MED14: variants seen among roughly 807,000 people sequenced by gnomAD.
The protein encoded by MED14 is mediator complex subunit 14, also known as mediator of RNA polymerase II transcription subunit 14.
In MED14, 8 loss-of-function variants were observed where a neutral mutation model predicts 109.0. The observed-to-expected ratio is 0.07, with a 90% CI of 0.04 to 0.13. The LOEUF (loss-of-function observed/expected upper bound fraction) is 0.13, where lower values mean the gene tolerates loss of function less well. Among genes scored for constraint, MED14 ranks in the 10% least tolerant of loss-of-function variants. The pLI, the probability that MED14 is intolerant of heterozygous loss-of-function variation, is 1.00. For missense variants in MED14, 711 were observed against 1,142.4 expected (o/e 0.62, Z 5.44); for synonymous variants, 399 against 408.7 (o/e 0.98, Z 0.29).
chrX:40,667,294 T>C (rs1929531336), intron 23 of MED14, among the ~76,000 whole-genome samples: 1 of 111,689 alleles, frequency 9.0e-6, no homozygotes, highest in African/African-American at 3.3e-5. Flanking sequence ...CAAGATTGTG[T>C]AGTGAAGGAG....
rs1928809742 is a variant in MED14, at chrX:40,650,148, C to A, written c.*1658G>T. On this transcript the variant is annotated 3_prime_UTR_variant, in exon 31 of 31. Transcript: ENST00000324817. ...TTAGATTGCCAAACTGATGTGATTA[C>A]CACTGTAAGAACTAAAAACAGAAGG... 8 of 749,922 alleles carry A rather than the reference C, an allele frequency of 1.1e-5. No individual in the cohort carries two copies. Among genetic ancestry groups the A allele is most frequent in the Non-Finnish European group, 1.3e-5 (8 of 636,576 alleles). The allele number at this position is 749,922 out of a possible 1,213,427, so 61.8% of individuals were successfully genotyped here.
chrX:40,662,881 T>C (rs1929340286), intron 26 of MED14, 44 bp downstream of exon 26: 1 of 1,029,389 alleles, frequency 9.7e-7, no homozygotes, highest in Non-Finnish European at 1.3e-6. Flanking sequence ...TTTAGCATTT[T>C]ACCCTTAACA....
At chrX:40,697,310 G>A in intron 12 of MED14, 127 bp from the exon 13 acceptor site, 1 of 425,482 alleles carries the variant, frequency 2.4e-6, no homozygotes, top group Non-Finnish European at 4.0e-6. Flanking sequence ...ACTAATAAAA[G>A]GACACATGGC....
chrX:40,730,348 A>G (rs1211075323), intron 1 of MED14, among the ~76,000 whole-genome samples: 1 of 112,046 alleles, frequency 8.9e-6, no homozygotes, highest in Non-Finnish European at 1.9e-5. Context: ...GGAGAGATGA[A>G]GCAGAAATTA....
In MED14 at chrX:40,706,557, C is replaced by T. The variant is rs1602480565; in HGVS notation, c.1285+2791G>A. On this transcript the variant is annotated intron_variant, in intron 10 of 30. Transcript: ENST00000324817. ...CAAATTTCAGATGAGGAGAATGGCC[C>T]AAATAGTGTAAATGACTTGTTCAAG... 3.6e-5 allele frequency among the ~76,000 whole-genome samples: 4 copies of T among 111,313 alleles called. No homozygotes were observed. The Admixed American group carries it at 3.8e-4, about 11-fold the overall frequency.
intron 3 of MED14, among the ~76,000 whole-genome samples, chrX:40,716,716 G>A (rs1412629057): frequency 9.0e-6 from 1 of 111,626 alleles, no homozygotes; most frequent in African/African-American, 3.3e-5. Flanking sequence ...TGCACTCCCA[G>A]GTTTACTGCA....
Position 40,652,122 on chromosome X carries a change from G to T in MED14, c.4292-243C>A, listed in dbSNP as rs144294146. ...AAGTCCCAGTTAGGTTTGTATTTAG[G>T]AAGATATGTCTAGAGTTTCTGTTTA... is the stretch of plus-strand genomic sequence containing the variant. On this transcript the variant is annotated intron_variant, in intron 30 of 30. Transcript: ENST00000324817. Among the ~76,000 whole-genome samples, 834 of 112,286 alleles carry T rather than the reference G, an allele frequency of 7.4e-3. 6 individuals carry two copies. The highest frequency in any genetic ancestry group is 0.026 in the African/African-American group (803 of 30,936).
chrX:40,673,730 C>T (rs1214759738), intron 22 of MED14, among the ~76,000 whole-genome samples: 2 of 109,588 alleles, frequency 1.8e-5, no homozygotes, highest in Non-Finnish European at 3.8e-5. Context: ...CCTGTAGTCC[C>T]AGCTACTCAG....
chrX:40,683,208 C>T (rs1252003183), intron 16 of MED14, among the ~76,000 whole-genome samples: 1 of 112,460 alleles, frequency 8.9e-6, no homozygotes, highest in Non-Finnish European at 1.9e-5. Flanking sequence ...AACAGTGATG[C>T]TTGTCTTTAT....
intron 25 of MED14, 64 bp from the exon 26 acceptor site, chrX:40,663,224 T>C (rs1023765075): frequency 2.2e-5 from 19 of 868,813 alleles, no homozygotes; most frequent in Admixed American, 5.4e-5. Flanking sequence ...CTTCCTGTTT[T>C]GCTTTCATCA....
chrX:40,686,534 T>C (rs1351825187), intron 16 of MED14, among the ~76,000 whole-genome samples: 1 of 111,808 alleles, frequency 8.9e-6, no homozygotes, highest in Non-Finnish European at 1.9e-5. Flanking sequence ...GAAAACGTTT[T>C]TGTGGAAATG....
At chrX:40,662,792 A>G (rs1929335887) in intron 26 of MED14, 133 bp downstream of exon 26, 1 of 486,390 alleles carries the variant, frequency 2.1e-6, no homozygotes, top group Non-Finnish European at 3.4e-6. Context: ...TAGGGTGAAA[A>G]TCATAATTCT....
chrX:40,726,207 C>T (rs747446495), intron 3 of MED14, among the ~76,000 whole-genome samples: 2 of 111,281 alleles, frequency 1.8e-5, no homozygotes, highest in African/African-American at 6.5e-5. Flanking sequence ...AAGGCAGGGA[C>T]TATTCCTTAT....
At position 40,724,265 on chromosome X, in the gene MED14, T is replaced by C. The variant is rs191820993; in HGVS notation, c.348+2481A>G. The stretch of plus-strand genomic sequence containing the variant: ...AGACTTCAACACCCCGCTTTCAGCA[T>C]TGGACGGATCTCCCAGACAGAAACT... On this transcript the variant is annotated intron_variant, in intron 3 of 30. Coordinates refer to ENST00000324817, the MANE Select transcript of MED14 (RefSeq NM_004229.4). Among the ~76,000 whole-genome samples, 119 of 112,582 alleles carry C rather than the reference T, an allele frequency of 1.1e-3. 1 individual carries two copies. Among genetic ancestry groups the C allele is most frequent in the African/African-American group, 3.5e-3 (108 of 31,026 alleles).
intron 22 of MED14, among the ~76,000 whole-genome samples, chrX:40,674,784 T>TA (rs1010088533): frequency 3.6e-5 from 4 of 112,398 alleles, no homozygotes; most frequent in African/African-American, 1.3e-4. Context: ...CTTATGGTTC[T>TA]ATAATGTGGC....
chrX:40,670,391 G>A (rs1387188063), intron 23 of MED14, among the ~76,000 whole-genome samples: 1 of 112,877 alleles, frequency 8.9e-6, no homozygotes, highest in African/African-American at 3.2e-5. Flanking sequence ...CCCACCTGCA[G>A]ATTAACAGAT....
At chrX:40,655,157 C>G in intron 28 of MED14, 97 bp from the exon 29 acceptor site, 1 of 850,813 alleles carries the variant, frequency 1.2e-6, no homozygotes, top group Non-Finnish European at 1.7e-6. Context: ...TGTTTCATAC[C>G]CAATTATTAA....
intron 15 of MED14, among the ~76,000 whole-genome samples, chrX:40,691,784 G>C (rs1930521358): frequency 9.4e-6 from 1 of 106,893 alleles, no homozygotes; most frequent in East Asian, 3.0e-4. Flanking sequence ...GATAATTTTT[G>C]TATTTTTAGT....
chrX:40,690,031 T>C, intron 15 of MED14, among the ~76,000 whole-genome samples: 1 of 112,168 alleles, frequency 8.9e-6, no homozygotes, highest in African/African-American at 3.2e-5. Flanking sequence ...AGAGAGGATA[T>C]AAATGCATTG....
Sources: gnomAD v4.1 joint callset for allele counts (sites outside exome capture counted in the v4.1 genomes callset) on GRCh38, gnomAD v4.1.1 for gene constraint, MANE v1.5 for transcripts, NCBI Gene and HGNC (gene_info 2026-07-23, HGNC 2026-07-21) for gene names.